Variants in DERL1 observed in about 807,000 individuals in gnomAD.
DERL1 encodes the protein derlin-1.
Under a neutral mutation model 41.6 loss-of-function variants are expected in DERL1, and 24 were observed. The observed-to-expected ratio is 0.58, with a 90% CI of 0.42 to 0.81. The LOEUF (loss-of-function observed/expected upper bound fraction) is 0.81, where lower values mean the gene tolerates loss of function less well. DERL1 is among the 30% of genes least tolerant of loss of function. The probability of loss-of-function intolerance (pLI) is 0.00; values close to 1 mark genes in which losing one functional copy is unlikely to be tolerated. For missense variants in DERL1, 260 were observed against 314.3 expected, an observed-to-expected ratio of 0.83 and a Z score of 1.31; for synonymous variants, 124 against 112.5, an observed-to-expected ratio of 1.10 and a Z score of -0.65.
chr8:123,017,492 A>G (rs1029455506), intron 7 of DERL1: 5 of 152,208 alleles, frequency 3.3e-5, no homozygotes, highest in African/African-American at 1.2e-4. Context: ...ATTAAATGCA[A>G]ATAATTAGTA....
intron 1 of DERL1, among the ~76,000 whole-genome samples, chr8:123,037,754 CA>C (rs1343679339): frequency 7.2e-5 from 11 of 152,170 alleles, no homozygotes; most frequent in African/African-American, 2.7e-4. Context: ...AAGCTGTCTA[CA>C]AAATGGGGGT....
intron 1 of DERL1, among the ~76,000 whole-genome samples, chr8:123,036,288 T>C (rs1339887520): frequency 1.3e-5 from 2 of 152,178 alleles, no homozygotes; most frequent in Non-Finnish European, 2.9e-5. Flanking sequence ...TATGGTCCCA[T>C]AATGAGCAAC....
intron 2 of DERL1, among the ~76,000 whole-genome samples, chr8:123,028,187 G>GAAATATTTA (rs1165528133): frequency 2.6e-5 from 4 of 152,014 alleles, no homozygotes; most frequent in African/African-American, 9.7e-5. Context: ...CAAATGAAAT[G>GAAATATTTA]CCTGGCATTT....
chr8:123,039,403 C>T (rs1369922749), intron 1 of DERL1, among the ~76,000 whole-genome samples: 1 of 152,202 alleles, frequency 6.6e-6, no homozygotes, highest in Admixed American at 6.5e-5. Flanking sequence ...CCCACCTTTC[C>T]ATCTTAGCTT....
At chr8:123,029,856 T>C (rs1035921518) in intron 2 of DERL1, among the ~76,000 whole-genome samples, 1 of 152,056 alleles carries the variant, frequency 6.6e-6, no homozygotes, top group Non-Finnish European at 1.5e-5. Context: ...GGTCAGGAGT[T>C]TGAGACCAGC....
At position 123,015,373 on chromosome 8, in the gene DERL1, A is replaced by G. The variant is rs1586455651; in HGVS notation, c.*74T>C. The G allele has an allele frequency of 6.4e-7, 1 of 1,563,430 alleles. No homozygotes were observed. The highest frequency in any genetic ancestry group is 2.3e-5 in the East Asian group (1 of 44,080). On this transcript the variant is annotated 3_prime_UTR_variant, in exon 8 of 8. Coordinates refer to ENST00000259512, the MANE Select transcript of DERL1 (RefSeq NM_024295.6). ...GGTCAGGTCCAACAGTGTTAGCCAG[A>G]ACGCAGTTGTTAAGTGCACCCAGCA...
intron 7 of DERL1, chr8:123,016,474 G>A (rs988125902): frequency 6.6e-6 from 1 of 152,190 alleles, no homozygotes. Context: ...AAACCCTGAA[G>A]AGGACAGGCT....
chr8:123,032,012 T>C (rs557059427), intron 1 of DERL1, among the ~76,000 whole-genome samples: 66 of 152,308 alleles, frequency 4.3e-4, no homozygotes, highest in African/African-American at 1.4e-3. Context: ...CTCTCACCAT[T>C]TCATGTATTA....
chr8:123,022,394 G>A (rs976548932), intron 5 of DERL1, among the ~76,000 whole-genome samples: 4 of 135,252 alleles, frequency 3.0e-5, no homozygotes, highest in African/African-American at 9.8e-5. Context: ...TTAAAGCAGG[G>A]TTTCACATGA....
rs570156022 is a variant in DERL1 at position 123,038,894 on chromosome 8, G to A, written c.153+3076C>T. Among the ~76,000 whole-genome samples the A allele has an allele frequency of 3.9e-5, 6 of 152,194 alleles. No homozygotes were observed. The East Asian group carries it at 5.8e-4, about 15-fold the overall frequency. On this transcript the variant is annotated intron_variant, in intron 1 of 7. Coordinates refer to ENST00000259512, the MANE Select transcript of DERL1 (RefSeq NM_024295.6). The stretch of plus-strand genomic sequence containing the variant: ...TATATCCAACTGCTCCCTTGGCCTC[G>A]CCACATGGATGCCTGAAAAGCATCT...
intron 2 of DERL1, among the ~76,000 whole-genome samples, chr8:123,027,801 C>G (rs999315719): frequency 6.6e-6 from 1 of 152,150 alleles, no homozygotes; most frequent in Non-Finnish European, 1.5e-5. Flanking sequence ...GTGGCTCACG[C>G]CTGTAATCCC....
intron 6 of DERL1, among the ~76,000 whole-genome samples, chr8:123,019,874 C>T (rs1259568458): frequency 6.6e-6 from 1 of 152,200 alleles, no homozygotes; most frequent in Non-Finnish European, 1.5e-5. Context: ...CCTTGGCTTA[C>T]ATACAGGTCA....
intron 5 of DERL1, among the ~76,000 whole-genome samples, chr8:123,022,173 G>C (rs2130464304): frequency 6.6e-6 from 1 of 152,286 alleles, no homozygotes; most frequent in East Asian, 1.9e-4. Flanking sequence ...CCAAACGTAA[G>C]ACTAATTCTA....
intron 1 of DERL1, among the ~76,000 whole-genome samples, chr8:123,034,165 G>C (rs78006691): frequency 0.07 from 10,620 of 152,284 alleles, 364 homozygotes; most frequent in Middle Eastern, 0.095. Flanking sequence ...CAGTCACGGG[G>C]ACTGGCCACA....
At position 123,015,261 on chromosome 8, in the gene DERL1, T is replaced by A; in HGVS notation, c.*186A>T. 1.2e-6 allele frequency: 1 copy of A among 811,098 alleles called. No individual in the cohort carries two copies. Among genetic ancestry groups the A allele is most frequent in the Non-Finnish European group, 1.8e-6 (1 of 549,234 alleles). The allele number at this position is 811,098 out of a possible 1,614,324, so 50.2% of individuals were successfully genotyped here. A position where few individuals can be genotyped will look rare whatever the true frequency, so the allele number is the denominator to read the frequency against. ...TTCTTCACAGCAGTAAGGACTTGAATGAGAATCGTGAAACTTGTGGAACAC... is the reference window on the plus strand; with the variant it reads ...TTCTTCACAGCAGTAAGGACTTGAAAGAGAATCGTGAAACTTGTGGAACAC... On this transcript the variant is annotated 3_prime_UTR_variant, in exon 8 of 8. Coordinates refer to ENST00000259512, the MANE Select transcript of DERL1 (RefSeq NM_024295.6).
intron 1 of DERL1, among the ~76,000 whole-genome samples, chr8:123,036,995 AT>A (rs1291657291): frequency 6.6e-6 from 1 of 152,224 alleles, no homozygotes; most frequent in Non-Finnish European, 1.5e-5. Flanking sequence ...ACATCTTCCC[AT>A]TTCAAGTCAG....
At position 123,022,762 on chromosome 8, in the gene DERL1, C is replaced by T. The variant is rs753520571; in HGVS notation, c.375G>A (p.Leu125=). 1 of 1,614,076 alleles carries T rather than the reference C, an allele frequency of 6.2e-7. No homozygotes were observed. Among genetic ancestry groups the T allele is most frequent in the African/African-American group, 1.3e-5 (1 of 75,024 alleles). ...AMDMQLLMIP[L]IMSVLYVWAQ... ...CCCAGACATAAAGTACTGACATGAT[C>T]AGAGGAATCATCAGCAACTGCAAAA... Residue 125 remains leucine (L), a synonymous_variant, in exon 5 of 8, where the codon CTG becomes CTA. Coordinates refer to ENST00000259512, the MANE Select transcript of DERL1 (RefSeq NM_024295.6).
At chr8:123,026,980 G>A (rs1363453740) in intron 2 of DERL1, among the ~76,000 whole-genome samples, 4 of 152,104 alleles carry the variant, frequency 2.6e-5, no homozygotes, top group Admixed American at 6.6e-5. Context: ...CCCAGAACAC[G>A]CAAATCTAAA....
intron 1 of DERL1, among the ~76,000 whole-genome samples, chr8:123,040,904 T>C (rs1275624066): frequency 1.3e-5 from 2 of 152,206 alleles, no homozygotes; most frequent in Non-Finnish European, 2.9e-5. Context: ...TGACTCTTAG[T>C]CATCCAAGTC....
Sources: gnomAD v4.1 joint callset for allele counts (sites outside exome capture counted in the v4.1 genomes callset) on GRCh38, gnomAD v4.1.1 for gene constraint, MANE v1.5 for transcripts, NCBI Gene and HGNC (gene_info 2026-07-23, HGNC 2026-07-21) for gene names.